Variants in MAPK10 observed in about 807,000 individuals in gnomAD.
The protein encoded by MAPK10 is JNK3 alpha protein kinase.
In MAPK10, 25 loss-of-function variants were observed where a neutral mutation model predicts 59.3. The ratio of observed to expected loss-of-function variants is 0.42; its 90% confidence interval spans 0.31 to 0.59. The LOEUF is 0.59. Among genes scored for constraint, MAPK10 ranks in the 20% least tolerant of loss-of-function variants. The probability of loss-of-function intolerance (pLI) is 0.15; values close to 1 mark genes in which losing one functional copy is unlikely to be tolerated. For missense variants in MAPK10, 351 were observed against 568.9 expected (o/e 0.62, Z 3.90); for synonymous variants, 190 against 200.5 (o/e 0.95, Z 0.44).
intron 1 of MAPK10, among the ~76,000 whole-genome samples, chr4:86,389,057 G>A (rs1426214869): frequency 6.6e-6 from 1 of 152,154 alleles, no homozygotes; most frequent in African/African-American, 2.4e-5. Context: ...AGTGTTGGAG[G>A]TGGGACCTGG....
At chr4:86,166,894 A>G (rs1246529023) in intron 3 of MAPK10, among the ~76,000 whole-genome samples, 1 of 152,204 alleles carries the variant, frequency 6.6e-6, no homozygotes, top group Non-Finnish European at 1.5e-5. Context: ...ATAGAAAAAC[A>G]TAGAGACACA....
intron 11 of MAPK10, among the ~76,000 whole-genome samples, chr4:86,060,817 C>T (rs1319624368): frequency 6.6e-6 from 1 of 151,842 alleles, no homozygotes; most frequent in Non-Finnish European, 1.5e-5. Flanking sequence ...AAAAATGGAC[C>T]TAAAATCATG....
chr4:86,179,953 CA>C (rs2076524153), intron 3 of MAPK10, among the ~76,000 whole-genome samples: 1 of 145,342 alleles, frequency 6.9e-6, no homozygotes, highest in Non-Finnish European at 1.5e-5. Context: ...AATAAGACCT[CA>C]AAAGCAGAGG....
Position 86,345,878 on chromosome 4 carries a change from G to A in MAPK10, c.-7+8652C>T, listed in dbSNP as rs17416927. ...GTACCTATGATCCAAAATCCATTAC[G>A]ACCAATTCACACCTTAATTCAAGTT... On this transcript the variant is annotated intron_variant, in intron 2 of 13. Transcript: ENST00000641462. 7.6e-3 allele frequency among the ~76,000 whole-genome samples: 1,151 copies of A among 152,206 alleles called. 12 individuals are homozygous for A. The highest frequency in any genetic ancestry group is 0.012 in the Non-Finnish European group (845 of 68,012).
intron 2 of MAPK10, among the ~76,000 whole-genome samples, chr4:86,209,806 C>T (rs573007737): frequency 1.7e-4 from 26 of 152,110 alleles, no homozygotes; most frequent in Admixed American, 7.9e-4. Context: ...ACAAAATACC[C>T]AGAGTAGCCA....
At chr4:86,122,957 G>T (rs917136146) in intron 4 of MAPK10, among the ~76,000 whole-genome samples, 1 of 152,024 alleles carries the variant, frequency 6.6e-6, no homozygotes, top group Non-Finnish European at 1.5e-5. Context: ...ATGTGGTTCT[G>T]ATAGGTGCTC....
intron 1 of MAPK10, among the ~76,000 whole-genome samples, chr4:86,489,937 C>A (rs1026085002): frequency 1.3e-5 from 2 of 152,110 alleles, no homozygotes; most frequent in Non-Finnish European, 2.9e-5. Flanking sequence ...AGTAGTCAGT[C>A]CCCCCATCTC....
chr4:86,095,683 G>A (rs561986041), intron 9 of MAPK10: 52 of 151,820 alleles, frequency 3.4e-4, no homozygotes, highest in African/African-American at 1.1e-3. Flanking sequence ...TAGTTTGAGA[G>A]GTTATCTGAC....
chr4:86,367,774 T>C (rs187385386), intron 1 of MAPK10, among the ~76,000 whole-genome samples: 31 of 152,230 alleles, frequency 2.0e-4, no homozygotes, highest in Admixed American at 1.4e-3. Flanking sequence ...GAGGGATTTT[T>C]CTATGCTATA....
At chr4:86,110,336 T>A (rs1032637944) in intron 4 of MAPK10, among the ~76,000 whole-genome samples, 1 of 152,206 alleles carries the variant, frequency 6.6e-6, no homozygotes, top group Admixed American at 6.5e-5. Context: ...CTAGATTTTC[T>A]TCTAGGATTT....
chr4:86,579,514 T>TAC (rs751545047), intron 1 of MAPK10, among the ~76,000 whole-genome samples: 82 of 92,768 alleles, frequency 8.8e-4, no homozygotes, highest in Middle Eastern at 0.011. Context: ...TGGATATGTG[T>TAC]ATACACACAC....
At chr4:86,153,517 T>C (rs2066961854) in intron 4 of MAPK10, among the ~76,000 whole-genome samples, 1 of 152,200 alleles carries the variant, frequency 6.6e-6, no homozygotes, top group South Asian at 2.1e-4. Context: ...GCATTAGTTA[T>C]CACATCAACA....
intron 2 of MAPK10, among the ~76,000 whole-genome samples, chr4:86,263,574 G>A (rs1394029986): frequency 6.6e-6 from 1 of 152,066 alleles, no homozygotes; most frequent in African/African-American, 2.4e-5. Context: ...CTTATATACT[G>A]GCATGACAAA....
chr4:86,041,242 T>C (rs1216468634), intron 11 of MAPK10, among the ~76,000 whole-genome samples: 1 of 152,220 alleles, frequency 6.6e-6, no homozygotes, highest in Non-Finnish European at 1.5e-5. Context: ...AAAGATTCCC[T>C]ATTTAATAAA....
chr4:86,433,358 A>G (rs1336577462), intron 1 of MAPK10, among the ~76,000 whole-genome samples: 1 of 152,108 alleles, frequency 6.6e-6, no homozygotes, highest in Non-Finnish European at 1.5e-5. Flanking sequence ...GCCAACCTGC[A>G]GCTAATACCA....
chr4:86,465,959 T>C (rs936759226), intron 1 of MAPK10, among the ~76,000 whole-genome samples: 1 of 152,226 alleles, frequency 6.6e-6, no homozygotes, highest in Non-Finnish European at 1.5e-5. Flanking sequence ...ATGGTAGCTA[T>C]GATAGCGGTG....
intron 2 of MAPK10, among the ~76,000 whole-genome samples, chr4:86,348,003 C>CATTA (rs1729161507): frequency 6.6e-6 from 1 of 152,156 alleles, no homozygotes; most frequent in African/African-American, 2.4e-5. Flanking sequence ...GACAGAACAG[C>CATTA]ACCACAGAAT....
intron 1 of MAPK10, among the ~76,000 whole-genome samples, chr4:86,370,442 T>A (rs1340032801): frequency 6.6e-6 from 1 of 152,164 alleles, no homozygotes; most frequent in Non-Finnish European, 1.5e-5. Context: ...ATTCTTTTCA[T>A]TTAATTAAAA....
chr4:86,018,825 GATCT>G (rs1414358943), intron 13 of MAPK10, among the ~76,000 whole-genome samples: 1 of 152,150 alleles, frequency 6.6e-6, no homozygotes, highest in African/African-American at 2.4e-5. Flanking sequence ...TAGTGTGCAA[GATCT>G]ATTTGGTGAA....
Sources: allele counts gnomAD v4.1 joint callset (sites outside exome capture counted in the v4.1 genomes callset), GRCh38; gene constraint gnomAD v4.1.1; transcripts MANE v1.5; gene names NCBI Gene and HGNC (gene_info 2026-07-23, HGNC 2026-07-21).